EXOC4: variants seen among roughly 807,000 people sequenced by gnomAD.
The protein encoded by EXOC4 is SEC8-like 1.
In EXOC4, 71 loss-of-function variants were observed where a neutral mutation model predicts 107.2. The observed-to-expected ratio is 0.66, with a 90% confidence interval of 0.55 to 0.81. The LOEUF is 0.81. Ranked by LOEUF, EXOC4 falls within the 30% of genes least tolerant of loss-of-function variation. The pLI is 0.00. For synonymous variants in EXOC4, 456 were observed against 441.2 expected, an observed-to-expected ratio of 1.03 and a Z score of -0.42; for missense variants, 1,108 against 1,189.6, an observed-to-expected ratio of 0.93 and a Z score of 1.01.
intron 10 of EXOC4, among the ~76,000 whole-genome samples, chr7:133,695,239 CTGGG>C (rs1794508399): frequency 6.6e-6 from 1 of 151,786 alleles, no homozygotes; most frequent in Admixed American, 6.6e-5. Context: ...CTTTCTGTGC[CTGGG>C]TTTTTTTATT....
intron 17 of EXOC4, among the ~76,000 whole-genome samples, chr7:134,017,083 G>A (rs1172191831): frequency 6.6e-6 from 1 of 152,176 alleles, no homozygotes; most frequent in Non-Finnish European, 1.5e-5. Context: ...CACAATATTT[G>A]TCACATCCTT....
At chr7:133,415,152 A>T (rs948440870) in intron 7 of EXOC4, among the ~76,000 whole-genome samples, 1 of 151,098 alleles carries the variant, frequency 6.6e-6, no homozygotes, top group African/African-American at 2.4e-5. Context: ...TTGTATAGAT[A>T]TACCACATTC....
In EXOC4 at chr7:133,677,827, G is replaced by A. The variant is rs528288094; in HGVS notation, c.1514+47686G>A. On this transcript the variant is annotated intron_variant, in intron 10 of 17. Coordinates refer to ENST00000253861, the MANE Select transcript of EXOC4 (RefSeq NM_021807.4). ...TTTTTTTGTATTAGTTGTAACTGAG[G>A]GATTTTTAAAATATTTTAATTGGTT... is the stretch of plus-strand genomic sequence containing the variant. 2.0e-5 allele frequency among the ~76,000 whole-genome samples: 3 copies of A among 151,620 alleles called. No homozygotes were observed. In the South Asian group the frequency reaches 6.2e-4, roughly 32 times the overall value.
chr7:133,431,294 C>T (rs998768048), intron 7 of EXOC4, among the ~76,000 whole-genome samples: 2 of 152,096 alleles, frequency 1.3e-5, no homozygotes, highest in African/African-American at 4.8e-5. Flanking sequence ...CTTGTGAAGT[C>T]ATTTACATGT....
rs377740291 is a variant in EXOC4 at position 133,652,890 on chromosome 7, A to G, written c.1514+22749A>G. Among the ~76,000 whole-genome samples the G allele has an allele frequency of 1.3e-3, 199 of 152,356 alleles. 1 individual carries two copies. Among genetic ancestry groups the G allele is most frequent in the African/African-American group, 4.5e-3 (188 of 41,592 alleles). On this transcript the variant is annotated intron_variant, in intron 10 of 17. Coordinates refer to ENST00000253861, the MANE Select transcript of EXOC4 (RefSeq NM_021807.4). ...TACAGACCACGTGCTATATTAAAGT[A>G]GACCCCTTTTGGACTTAAAATATCA...
chr7:133,350,983 T>A (rs950623222), intron 5 of EXOC4, among the ~76,000 whole-genome samples: 1 of 152,032 alleles, frequency 6.6e-6, no homozygotes, highest in Non-Finnish European at 1.5e-5. Flanking sequence ...AATTCCTGAT[T>A]ATTCTTTTTA....
Position 133,603,842 on chromosome 7 carries a change from TTTA to T in EXOC4, c.1418-26199_1418-26197del, listed in dbSNP as rs943488550. Among the ~76,000 whole-genome samples, 9 of 152,160 alleles carry T rather than the reference TTTA, an allele frequency of 5.9e-5. 1 individual carries two copies. The highest frequency in any genetic ancestry group is 2.2e-4 in the African/African-American group (9 of 41,450). ...GCTACACTTAATTTATAGAAAATAA[TTTA>T]TTAATAAACAGCTTACTGTAACTTT... On this transcript the variant is annotated intron_variant, in intron 9 of 17. Coordinates refer to ENST00000253861, the MANE Select transcript of EXOC4 (RefSeq NM_021807.4).
intron 9 of EXOC4, among the ~76,000 whole-genome samples, chr7:133,521,968 A>G (rs1406862785): frequency 6.6e-6 from 1 of 152,024 alleles, no homozygotes; most frequent in African/African-American, 2.4e-5. Flanking sequence ...ACAATATAAT[A>G]ATAATGGTGT....
intron 10 of EXOC4, among the ~76,000 whole-genome samples, chr7:133,722,365 A>G (rs1342989231): frequency 6.6e-6 from 1 of 152,238 alleles, no homozygotes; most frequent in African/African-American, 2.4e-5. Flanking sequence ...GCATTTATCT[A>G]GAGTACAGTC....
chr7:133,780,522 G>A (rs950933053), intron 10 of EXOC4, among the ~76,000 whole-genome samples: 1 of 151,928 alleles, frequency 6.6e-6, no homozygotes, highest in African/African-American at 2.4e-5. Context: ...TGATAGAGAC[G>A]GGATCTTGTT....
chr7:133,952,171 GAAAA>G (rs143443942), intron 14 of EXOC4, among the ~76,000 whole-genome samples: 35,681 of 149,784 alleles, frequency 0.24, 5,374 homozygotes, highest in Non-Finnish European at 0.34. Flanking sequence ...AAAAAAAAAA[GAAAA>G]AAAAAGAAGC....
At chr7:133,723,350 T>C (rs1023024874) in intron 10 of EXOC4, among the ~76,000 whole-genome samples, 2 of 152,224 alleles carry the variant, frequency 1.3e-5, no homozygotes, top group African/African-American at 4.8e-5. Context: ...ATTCATTCAA[T>C]CTTAGATGGA....
intron 2 of EXOC4, among the ~76,000 whole-genome samples, chr7:133,283,387 T>G (rs1194248324): frequency 1.3e-5 from 2 of 152,210 alleles, no homozygotes; most frequent in East Asian, 1.9e-4. Flanking sequence ...ATTTCCTTCT[T>G]TTTAAATGCT....
At chr7:133,367,610 G>A (rs1796276114) in intron 6 of EXOC4, among the ~76,000 whole-genome samples, 1 of 152,012 alleles carries the variant, frequency 6.6e-6, no homozygotes, top group South Asian at 2.1e-4. Flanking sequence ...TATCACTTTG[G>A]CCTCTCTTCT....
At chr7:133,682,176 G>A (rs1794201996) in intron 10 of EXOC4, among the ~76,000 whole-genome samples, 1 of 152,072 alleles carries the variant, frequency 6.6e-6, no homozygotes, top group South Asian at 2.1e-4. Context: ...GCGATTACAG[G>A]AGTAATCCAC....
intron 9 of EXOC4, among the ~76,000 whole-genome samples, chr7:133,545,156 C>G (rs1800456791): frequency 6.6e-6 from 1 of 151,880 alleles, no homozygotes; most frequent in African/African-American, 2.4e-5. Context: ...CCCACTCTTG[C>G]ATTATAGAAG....
chr7:134,035,459 G>A (rs1380044705), intron 17 of EXOC4, among the ~76,000 whole-genome samples: 1 of 152,144 alleles, frequency 6.6e-6, no homozygotes, highest in African/African-American at 2.4e-5. Flanking sequence ...ACAAAGAACA[G>A]CATTTTCACA....
intron 9 of EXOC4, among the ~76,000 whole-genome samples, chr7:133,591,049 C>T (rs1801529855): frequency 1.3e-5 from 2 of 152,202 alleles, no homozygotes; most frequent in South Asian, 4.1e-4. Flanking sequence ...GTGTGCTCCC[C>T]TTCCTGTGAG....
chr7:133,706,787 A>G (rs528133946), intron 10 of EXOC4, among the ~76,000 whole-genome samples: 1 of 152,256 alleles, frequency 6.6e-6, no homozygotes, highest in East Asian at 1.9e-4. Flanking sequence ...GAGTGGAGCA[A>G]GGGGAAAAGG....
Sources: gnomAD v4.1 joint callset for allele counts (sites outside exome capture counted in the v4.1 genomes callset) on GRCh38, gnomAD v4.1.1 for gene constraint, MANE v1.5 for transcripts, NCBI Gene and HGNC (gene_info 2026-07-23, HGNC 2026-07-21) for gene names.